DLG2: variants seen among roughly 807,000 people sequenced by gnomAD.
The protein encoded by DLG2 is discs large MAGUK scaffold protein 2.
In DLG2, 45 loss-of-function variants were observed where a neutral mutation model predicts 132.5. That is an observed-to-expected ratio of 0.34 (90% CI 0.27 to 0.44). The LOEUF (loss-of-function observed/expected upper bound fraction) is 0.44. Ranked by LOEUF, DLG2 falls within the 20% of genes least tolerant of loss-of-function variation. The pLI, the probability that DLG2 is intolerant of heterozygous loss-of-function variation, is 1.00. For synonymous variants in DLG2, 424 were observed against 419.6 expected, an observed-to-expected ratio of 1.01 and a Z score of -0.13; for missense variants, 1,045 against 1,196.9, an observed-to-expected ratio of 0.87 and a Z score of 1.87.
At chr11:85,395,099 C>T (rs2087182388) in intron 3 of DLG2, among the ~76,000 whole-genome samples, 1 of 152,156 alleles carries the variant, frequency 6.6e-6, no homozygotes, top group South Asian at 2.1e-4. Flanking sequence ...TTGTCTGCCT[C>T]TTTCTTTGTT....
At chr11:84,021,762 C>CTTTTTTT (rs199809383) in intron 11 of DLG2, among the ~76,000 whole-genome samples, 1 of 147,398 alleles carries the variant, frequency 6.8e-6, no homozygotes, top group Non-Finnish European at 1.5e-5. Flanking sequence ...ACAACTACTT[C>CTTTTTTT]TTTTTTTTTT....
chr11:83,988,221 T>C (rs2093466298), intron 11 of DLG2, among the ~76,000 whole-genome samples: 1 of 152,204 alleles, frequency 6.6e-6, no homozygotes, highest in Non-Finnish European at 1.5e-5. Flanking sequence ...GCTTATGTCC[T>C]GAATGGTATT....
At chr11:84,003,470 C>A (rs2094447743) in intron 11 of DLG2, among the ~76,000 whole-genome samples, 1 of 152,098 alleles carries the variant, frequency 6.6e-6, no homozygotes, top group African/African-American at 2.4e-5. Context: ...GTTTAATTGA[C>A]TCACAATTCA....
chr11:84,788,624 T>C (rs1197852000), intron 6 of DLG2, among the ~76,000 whole-genome samples: 1 of 152,130 alleles, frequency 6.6e-6, no homozygotes, highest in East Asian at 1.9e-4. Flanking sequence ...TTATTATAAA[T>C]ATAGATTTAT....
At chr11:85,151,563 G>A (rs564945945) in intron 5 of DLG2, among the ~76,000 whole-genome samples, 2 of 152,134 alleles carry the variant, frequency 1.3e-5, no homozygotes, top group South Asian at 2.1e-4. Context: ...GTTAATTTTT[G>A]TATATGGTAT....
chr11:84,223,474 C>T (rs1406726150), intron 8 of DLG2, among the ~76,000 whole-genome samples: 1 of 151,898 alleles, frequency 6.6e-6, no homozygotes, highest in East Asian at 1.9e-4. Context: ...ACAGCCAGCC[C>T]ATCACAACCT....
chr11:84,094,545 G>A (rs2097140483), intron 10 of DLG2, among the ~76,000 whole-genome samples: 1 of 152,118 alleles, frequency 6.6e-6, no homozygotes, highest in Non-Finnish European at 1.5e-5. Context: ...TAAACTAAAT[G>A]GCCTATAAAC....
chr11:83,485,111 T>C (rs2093419988), intron 21 of DLG2, among the ~76,000 whole-genome samples: 1 of 137,938 alleles, frequency 7.2e-6, no homozygotes, highest in African/African-American at 2.5e-5. Context: ...CTCTAGATTC[T>C]GATCAGGTAA....
intron 8 of DLG2, among the ~76,000 whole-genome samples, chr11:84,232,582 T>C (rs1363410152): frequency 6.6e-6 from 1 of 152,042 alleles, no homozygotes; most frequent in East Asian, 1.9e-4. Context: ...CATTATGGGA[T>C]TAGAGTTCTT....
chr11:83,982,073 T>G (rs1215659611), intron 11 of DLG2, among the ~76,000 whole-genome samples: 1 of 152,184 alleles, frequency 6.6e-6, no homozygotes, highest in African/African-American at 2.4e-5. Context: ...GCAGTGTAAA[T>G]GAACCTACTG....
intron 4 of DLG2, among the ~76,000 whole-genome samples, chr11:85,161,526 G>C (rs2078029438): frequency 6.6e-6 from 1 of 152,210 alleles, no homozygotes; most frequent in African/African-American, 2.4e-5. Flanking sequence ...CACTGGAATA[G>C]ACAGTTACTC....
chr11:84,870,572 C>T (rs972126914), intron 6 of DLG2, among the ~76,000 whole-genome samples: 1 of 152,176 alleles, frequency 6.6e-6, no homozygotes, highest in African/African-American at 2.4e-5. Context: ...GAATCACTCT[C>T]CAAGTAACTC....
intron 10 of DLG2, among the ~76,000 whole-genome samples, chr11:84,075,359 T>C (rs2096814998): frequency 6.6e-6 from 1 of 152,224 alleles, no homozygotes; most frequent in African/African-American, 2.4e-5. Context: ...GCCTTGTCTG[T>C]CTGGTTGACC....
chr11:84,049,759 C>A (rs1208439931), intron 11 of DLG2, among the ~76,000 whole-genome samples: 1 of 151,596 alleles, frequency 6.6e-6, no homozygotes, highest in East Asian at 1.9e-4. Flanking sequence ...GTTACTTGGC[C>A]TGATAATAAA....
At chr11:85,170,571 G>A (rs2078783727) in intron 4 of DLG2, among the ~76,000 whole-genome samples, 1 of 152,124 alleles carries the variant, frequency 6.6e-6, no homozygotes, top group Admixed American at 6.6e-5. Flanking sequence ...GCATGACAAA[G>A]TACCATAATT....
chr11:84,428,675 T>G (rs1480226774), intron 7 of DLG2, among the ~76,000 whole-genome samples: 1 of 152,208 alleles, frequency 6.6e-6, no homozygotes. Context: ...TAACCTTAAT[T>G]ACCACCTAGA....
intron 6 of DLG2, among the ~76,000 whole-genome samples, chr11:84,874,280 G>A (rs964425798): frequency 2.6e-5 from 4 of 152,162 alleles, no homozygotes; most frequent in Non-Finnish European, 5.9e-5. Flanking sequence ...TGTGAATTAA[G>A]CTGACAATAG....
intron 7 of DLG2, among the ~76,000 whole-genome samples, chr11:84,502,239 C>T (rs1326074449): frequency 1.4e-4 from 4 of 29,284 alleles, no homozygotes; most frequent in South Asian, 2.0e-3. Flanking sequence ...TCCTTCCTTC[C>T]TTCCTTCCTT....
intron 7 of DLG2, among the ~76,000 whole-genome samples, chr11:84,282,425 T>A (rs1298025795): frequency 1.3e-5 from 2 of 152,092 alleles, no homozygotes; most frequent in African/African-American, 2.4e-5. Context: ...CAAAAAGGCA[T>A]GAAGAAATTT....
Sources: allele counts gnomAD v4.1 joint callset (sites outside exome capture counted in the v4.1 genomes callset), GRCh38; gene constraint gnomAD v4.1.1; transcripts MANE v1.5; gene names NCBI Gene and HGNC (gene_info 2026-07-23, HGNC 2026-07-21).